Variants in GPC5 observed in about 807,000 individuals in gnomAD.
GPC5 encodes glypican 5.
In GPC5, 47 loss-of-function variants were observed where a neutral mutation model predicts 53.9. The observed-to-expected ratio is 0.87, with a 90% confidence interval of 0.69 to 1.11. The LOEUF (loss-of-function observed/expected upper bound fraction) is 1.11, where lower values mean the gene tolerates loss of function less well. Among genes scored for constraint, GPC5 ranks in the 50% most tolerant of loss-of-function variants. The probability of loss-of-function intolerance (pLI) is 0.00; values close to 1 mark genes in which losing one functional copy is unlikely to be tolerated. For missense variants in GPC5, 748 were observed against 713.1 expected, an observed-to-expected ratio of 1.05 and a Z score of -0.56; for synonymous variants, 286 against 263.3, an observed-to-expected ratio of 1.09 and a Z score of -0.84.
chr13:91,512,453 T>C (rs1006777802), intron 2 of GPC5, among the ~76,000 whole-genome samples: 2 of 152,236 alleles, frequency 1.3e-5, no homozygotes, highest in African/African-American at 4.8e-5. Context: ...GCAGCTCCTG[T>C]GCATTTCGTG....
chr13:91,455,178 T>TGGA (rs1272370968), intron 2 of GPC5, among the ~76,000 whole-genome samples: 1 of 108,338 alleles, frequency 9.2e-6, no homozygotes, highest in Non-Finnish European at 2.2e-5. Context: ...GTGAACATTC[T>TGGA]TGATATCTCC....
intron 5 of GPC5, among the ~76,000 whole-genome samples, chr13:91,904,140 CTTTTT>C (rs57293387): frequency 3.2e-4 from 30 of 94,670 alleles, no homozygotes; most frequent in African/African-American, 1.3e-3. Flanking sequence ...TCTTTTCTTT[CTTTTT>C]TTTTTTTTTT....
At chr13:92,200,141 T>G (rs2042283917) in intron 7 of GPC5, among the ~76,000 whole-genome samples, 1 of 151,820 alleles carries the variant, frequency 6.6e-6, no homozygotes, top group Non-Finnish European at 1.5e-5. Context: ...TGAATTCATC[T>G]TAATTTTCTT....
intron 7 of GPC5, among the ~76,000 whole-genome samples, chr13:92,526,152 A>G (rs1881273295): frequency 6.6e-6 from 1 of 152,148 alleles, no homozygotes; most frequent in South Asian, 2.1e-4. Context: ...TTGCAAACCT[A>G]TTGTGGTCCA....
chr13:92,038,618 A>G (rs2040915149), intron 6 of GPC5, among the ~76,000 whole-genome samples: 1 of 151,026 alleles, frequency 6.6e-6, no homozygotes, highest in South Asian at 2.1e-4. Context: ...TATACACCAA[A>G]TGCCTGATGA....
intron 7 of GPC5, among the ~76,000 whole-genome samples, chr13:92,833,515 G>T (rs1343879446): frequency 6.6e-6 from 1 of 152,064 alleles, no homozygotes; most frequent in Non-Finnish European, 1.5e-5. Context: ...TTCATTCTTT[G>T]AAAAATTGAT....
chr13:92,701,852 G>C (rs1416344303), intron 7 of GPC5, among the ~76,000 whole-genome samples: 4 of 152,048 alleles, frequency 2.6e-5, no homozygotes, highest in African/African-American at 9.7e-5. Context: ...ATTCATTCTG[G>C]GAAGAAATAC....
At chr13:92,858,302 C>T (rs539518667) in intron 7 of GPC5, among the ~76,000 whole-genome samples, 82 of 152,292 alleles carry the variant, frequency 5.4e-4, no homozygotes, top group African/African-American at 1.9e-3. Context: ...CCCCTGCACA[C>T]GCTGTCTTGC....
chr13:91,835,509 G>T (rs1446084802), intron 5 of GPC5, among the ~76,000 whole-genome samples: 12 of 152,130 alleles, frequency 7.9e-5, no homozygotes, highest in Admixed American at 3.3e-4. Flanking sequence ...ATGATAGACT[G>T]GATAAAGAAA....
At chr13:92,688,022 T>C (rs1219539714) in intron 7 of GPC5, among the ~76,000 whole-genome samples, 2 of 83,536 alleles carry the variant, frequency 2.4e-5, no homozygotes, top group Non-Finnish European at 4.1e-5. Context: ...TGGTCTAAAA[T>C]TCTCTTTTTT....
chr13:91,995,644 A>G (rs1243354480), intron 6 of GPC5: 1 of 152,232 alleles, frequency 6.6e-6, no homozygotes, highest in South Asian at 2.1e-4. Context: ...AAACTATTAG[A>G]TAATTTTTTT....
intron 2 of GPC5, among the ~76,000 whole-genome samples, chr13:91,682,241 G>A (rs1453613091): frequency 6.6e-6 from 1 of 152,284 alleles, no homozygotes; most frequent in African/African-American, 2.4e-5. Flanking sequence ...GCTAGTAAGA[G>A]TACCCGTATC....
At chr13:92,778,734 T>C (rs1051511046) in intron 7 of GPC5, among the ~76,000 whole-genome samples, 1 of 152,210 alleles carries the variant, frequency 6.6e-6, no homozygotes, top group African/African-American at 2.4e-5. Context: ...AGCTTAAATA[T>C]ATTAACATCA....
chr13:91,543,116 A>G (rs1238429226), intron 2 of GPC5, among the ~76,000 whole-genome samples: 1 of 151,920 alleles, frequency 6.6e-6, no homozygotes. Flanking sequence ...TGGGCCTCCC[A>G]AAGTGCTGGG....
chr13:92,371,159 A>C (rs2043647378), intron 7 of GPC5, among the ~76,000 whole-genome samples: 1 of 152,096 alleles, frequency 6.6e-6, no homozygotes, highest in Non-Finnish European at 1.5e-5. Flanking sequence ...CCAAAACCAA[A>C]CCAAACCAAA....
chr13:92,052,716 C>T (rs2138840722), intron 6 of GPC5, among the ~76,000 whole-genome samples: 1 of 152,296 alleles, frequency 6.6e-6, no homozygotes, highest in Middle Eastern at 3.4e-3. Context: ...CAAGTCCCCA[C>T]TTGAGCCAGG....
chr13:92,338,198 C>A (rs551041770), intron 7 of GPC5, among the ~76,000 whole-genome samples: 14 of 152,106 alleles, frequency 9.2e-5, no homozygotes, highest in Non-Finnish European at 1.9e-4. Flanking sequence ...ATATGCTGCA[C>A]ATTTTAGATC....
chr13:91,957,840 A>T (rs1469737404), intron 6 of GPC5, among the ~76,000 whole-genome samples: 1 of 152,082 alleles, frequency 6.6e-6, no homozygotes, highest in Non-Finnish European at 1.5e-5. Context: ...CATCATAAAA[A>T]CACATGAAAA....
At chr13:91,876,063 T>A (rs2138940275) in intron 5 of GPC5, among the ~76,000 whole-genome samples, 1 of 152,292 alleles carries the variant, frequency 6.6e-6, no homozygotes, top group East Asian at 1.9e-4. Flanking sequence ...TTTCCACTTT[T>A]GCTTCTTTTC....
Sources: gnomAD v4.1 joint callset for allele counts (sites outside exome capture counted in the v4.1 genomes callset) on GRCh38, gnomAD v4.1.1 for gene constraint, MANE v1.5 for transcripts, NCBI Gene and HGNC (gene_info 2026-07-23, HGNC 2026-07-21) for gene names.